SYNPR: variants seen among roughly 807,000 people sequenced by gnomAD.
SYNPR encodes the protein synaptoporin.
A neutral mutation model predicts 32.9 loss-of-function variants in SYNPR; 23 were observed. The ratio of observed to expected loss-of-function variants is 0.70; its 90% CI spans 0.50 to 0.99. The LOEUF is 0.99. SYNPR is among the 50% of genes least tolerant of loss of function. The pLI, the probability that SYNPR is intolerant of heterozygous loss-of-function variation, is 0.00. For missense variants in SYNPR, 318 were observed against 349.3 expected (o/e 0.91, Z 0.71); for synonymous variants, 146 against 135.9 (o/e 1.07, Z -0.52).
intron 2 of SYNPR, among the ~76,000 whole-genome samples, chr3:63,455,471 A>ATGC (rs1422077052): frequency 2.6e-5 from 4 of 152,110 alleles, no homozygotes; most frequent in African/African-American, 7.2e-5. Flanking sequence ...TTTCACACAC[A>ATGC]TGCTGCTACA....
chr3:63,436,962 C>T (rs925791712), intron 2 of SYNPR, among the ~76,000 whole-genome samples: 11 of 152,044 alleles, frequency 7.2e-5, no homozygotes, highest in Non-Finnish European at 1.5e-4. Context: ...CTGCAACCTC[C>T]GCCTCCCGGG....
intron 3 of SYNPR, among the ~76,000 whole-genome samples, chr3:63,505,851 T>C (rs191738576): frequency 2.1e-4 from 32 of 152,312 alleles, no homozygotes; most frequent in Middle Eastern, 3.4e-3. Flanking sequence ...AACAGCTAGA[T>C]GAGTTCAATC....
intron 2 of SYNPR, among the ~76,000 whole-genome samples, chr3:63,342,873 TC>T (rs2087387154): frequency 6.6e-6 from 1 of 152,222 alleles, no homozygotes; most frequent in African/African-American, 2.4e-5. Context: ...TTGATCCACT[TC>T]TTCTAAGTTG....
At chr3:63,470,245 T>C (rs1700770429) in intron 2 of SYNPR, among the ~76,000 whole-genome samples, 1 of 152,246 alleles carries the variant, frequency 6.6e-6, no homozygotes, top group Non-Finnish European at 1.5e-5. Context: ...ATTTACTTTT[T>C]TTGCTTTAAA....
intron 4 of SYNPR, among the ~76,000 whole-genome samples, chr3:63,557,819 T>C (rs1268610156): frequency 6.6e-6 from 1 of 152,240 alleles, no homozygotes; most frequent in African/African-American, 2.4e-5. Context: ...ATGAAATTTA[T>C]GCTGAATCAT....
chr3:63,335,852 C>A (rs367711252), intron 2 of SYNPR, among the ~76,000 whole-genome samples: 219 of 143,346 alleles, frequency 1.5e-3, no homozygotes, highest in Middle Eastern at 0.012. Flanking sequence ...TCTCAGCTCA[C>A]CGCAACCTCT....
At chr3:63,343,331 T>C (rs1253463659) in intron 2 of SYNPR, among the ~76,000 whole-genome samples, 1 of 152,196 alleles carries the variant, frequency 6.6e-6, no homozygotes, top group South Asian at 2.1e-4. Context: ...GGCTGCTGTA[T>C]GGACAATGGA....
chr3:63,417,457 T>C (rs2107126402), intron 2 of SYNPR, among the ~76,000 whole-genome samples: 1 of 152,308 alleles, frequency 6.6e-6, no homozygotes, highest in East Asian at 1.9e-4. Flanking sequence ...GATCTACCAC[T>C]GTGGGGTTTG....
intron 2 of SYNPR, among the ~76,000 whole-genome samples, chr3:63,436,473 G>A (rs2367834): frequency 0.13 from 19,020 of 151,940 alleles, 1,401 homozygotes; most frequent in East Asian, 0.29. Context: ...AAGAATGATG[G>A]TTTTAGCTGT....
At chr3:63,353,791 C>T (rs185546181) in intron 2 of SYNPR, among the ~76,000 whole-genome samples, 10 of 152,302 alleles carry the variant, frequency 6.6e-5, no homozygotes, top group Admixed American at 2.0e-4. Flanking sequence ...CATGCACAGA[C>T]ATTTTCTTTG....
rs1313367533 is a variant in SYNPR at position 63,446,777 on chromosome 3, C to T, written c.85-34055C>T. The stretch of plus-strand genomic sequence containing the variant: ...AAACCGCTAACAAGCAAACAAAAAC[C>T]ACCCACCACAAATTGGAAGAACTAA... On this transcript the variant is annotated intron_variant, in intron 2 of 5. Transcript: ENST00000478300. Among the ~76,000 whole-genome samples the T allele has an allele frequency of 2.0e-5, 3 of 152,086 alleles. No individual in the cohort carries two copies. The East Asian group carries it at 5.8e-4, about 29-fold the overall frequency.
At chr3:63,268,898 C>T (rs2086512124) in intron 3 of SYNPR, among the ~76,000 whole-genome samples, 1 of 152,198 alleles carries the variant, frequency 6.6e-6, no homozygotes, top group South Asian at 2.1e-4. Flanking sequence ...CATTTTTGCA[C>T]TGTGCGAATG....
chr3:63,301,956 C>A (rs563924781), intron 2 of SYNPR, among the ~76,000 whole-genome samples: 11 of 152,184 alleles, frequency 7.2e-5, no homozygotes, highest in African/African-American at 2.6e-4. Flanking sequence ...TGTCTGTTAA[C>A]TTCACCTCTG....
At chr3:63,458,483 T>C (rs1575655097) in intron 2 of SYNPR, among the ~76,000 whole-genome samples, 1 of 152,214 alleles carries the variant, frequency 6.6e-6, no homozygotes, top group African/African-American at 2.4e-5. Flanking sequence ...TTGGACCCCT[T>C]ACCTGTCATC....
At position 63,598,403 on chromosome 3, in the gene SYNPR, A is replaced by C. The variant is rs558346609; in HGVS notation, c.409-10722A>C. ...GCAACTTATGAAAAGTGAGGGCAAC[A>C]AACTGAATGGAAACAAACCACCCAG... is the stretch of plus-strand genomic sequence containing the variant. On this transcript the variant is annotated intron_variant, in intron 4 of 5. Transcript: ENST00000478300. 1.2e-4 allele frequency among the ~76,000 whole-genome samples: 18 copies of C among 152,346 alleles called. No individual in the cohort carries two copies. The Middle Eastern group carries it at 0.02, about 173-fold the overall frequency.
chr3:63,534,946 C>T (rs748145940), intron 3 of SYNPR, among the ~76,000 whole-genome samples: 4 of 152,182 alleles, frequency 2.6e-5, no homozygotes, highest in Middle Eastern at 3.4e-3. Flanking sequence ...AGGCCCACCT[C>T]CCAACATTGC....
intron 2 of SYNPR, among the ~76,000 whole-genome samples, chr3:63,466,856 C>T (rs1248917731): frequency 6.6e-6 from 1 of 151,960 alleles, no homozygotes; most frequent in African/African-American, 2.4e-5. Flanking sequence ...CCTTAGTGGC[C>T]CCATCTCAAA....
intron 3 of SYNPR, among the ~76,000 whole-genome samples, chr3:63,538,478 T>C (rs913388175): frequency 6.6e-6 from 1 of 152,076 alleles, no homozygotes; most frequent in Non-Finnish European, 1.5e-5. Flanking sequence ...AACTAGTATT[T>C]TGCAAAGCCA....
intron 3 of SYNPR, among the ~76,000 whole-genome samples, chr3:63,524,101 ACTTT>A (rs1417648710): frequency 9.9e-5 from 15 of 152,030 alleles, no homozygotes; most frequent in African/African-American, 3.6e-4. Flanking sequence ...AAAATGACTC[ACTTT>A]CTAAGTTAAT....
Sources: allele counts gnomAD v4.1 joint callset (sites outside exome capture counted in the v4.1 genomes callset), GRCh38; gene constraint gnomAD v4.1.1; transcripts MANE v1.5; gene names NCBI Gene and HGNC (gene_info 2026-07-23, HGNC 2026-07-21).